ADCY1: variants seen among roughly 807,000 people sequenced by gnomAD.
ADCY1 encodes the protein adenylate cyclase 1.
In ADCY1, 28 loss-of-function variants were observed where a neutral mutation model predicts 105.4. The ratio of observed to expected loss-of-function variants is 0.27; its 90% confidence interval spans 0.20 to 0.36. The LOEUF (loss-of-function observed/expected upper bound fraction) is 0.36. Among genes scored for constraint, ADCY1 ranks in the 10% least tolerant of loss-of-function variants. The pLI, the probability that ADCY1 is intolerant of heterozygous loss-of-function variation, is 1.00. For missense variants in ADCY1, 977 were observed against 1,434.2 expected (o/e 0.68, Z 5.15); for synonymous variants, 655 against 623.8 (o/e 1.05, Z -0.75).
intron 14 of ADCY1, among the ~76,000 whole-genome samples, chr7:45,690,544 G>A (rs1321928384): frequency 1.3e-5 from 2 of 152,226 alleles, no homozygotes; most frequent in African/African-American, 2.4e-5. Context: ...AAACCTGGCC[G>A]GAAGTAGGAG....
rs191910895 is a variant in ADCY1, at chr7:45,658,467, A to G, written c.1307+582A>G. Reference sequence around the variant, plus strand: ...CCCTCTGCCACCCCCAGGTCCTGTAATCTCCCTTTTGTATGATCTCGCAGT... The same window carrying G: ...CCCTCTGCCACCCCCAGGTCCTGTAGTCTCCCTTTTGTATGATCTCGCAGT... On this transcript the variant is annotated intron_variant, in intron 6 of 19. Transcript: ENST00000297323. 1.8e-3 allele frequency among the ~76,000 whole-genome samples: 274 copies of G among 152,110 alleles called. 2 individuals carry two copies. The highest frequency in any genetic ancestry group is 5.7e-3 in the African/African-American group (235 of 41,502).
intron 2 of ADCY1, among the ~76,000 whole-genome samples, chr7:45,607,867 A>G (rs1793424416): frequency 6.6e-6 from 1 of 152,086 alleles, no homozygotes; most frequent in African/African-American, 2.4e-5. Flanking sequence ...TGTTGATTTC[A>G]TGTCTTTTAT....
In ADCY1 at chr7:45,703,336, C is replaced by T. The variant is rs770291734; in HGVS notation, c.2455-40C>T. 1.1e-5 allele frequency: 17 copies of T among 1,583,128 alleles called. No homozygotes were observed. The Admixed American group carries it at 1.2e-4, about 11-fold the overall frequency. ...GTGCGGTGGGAACAAGTGAAGGCAG[C>T]GTGAGTGGATGGGACTAATGGAGGC... is the stretch of plus-strand genomic sequence containing the variant. On this transcript the variant is annotated intron_variant, in intron 14 of 19. Transcript: ENST00000297323. The surrounding 1 kb of genome is among the most constrained non-coding windows in gnomAD (Gnocchi z 5.9).
chr7:45,701,833 T>C (rs1785002361), intron 14 of ADCY1, among the ~76,000 whole-genome samples: 1 of 152,200 alleles, frequency 6.6e-6, no homozygotes, highest in Admixed American at 6.5e-5. Flanking sequence ...AGAGTGTGGC[T>C]CCAGCCCATC....
chr7:45,574,204 C>T (rs1584237412), upstream of ADCY1: 5 of 932,780 alleles, frequency 5.4e-6, no homozygotes, highest in South Asian at 2.5e-4. This position sits in a 1 kb window ranked among gnomAD's most constrained non-coding sequence, Gnocchi z 7.0. Flanking sequence ...CGAGGTCACG[C>T]GGCTCCTCCG....
intron 1 of ADCY1, among the ~76,000 whole-genome samples, chr7:45,588,852 C>G (rs1030036463): frequency 1.4e-4 from 21 of 151,382 alleles, no homozygotes; most frequent in African/African-American, 4.9e-4. Flanking sequence ...CTTTGACACA[C>G]CCCCATCATT....
At chr7:45,599,452 G>A (rs1793164008) in intron 2 of ADCY1, among the ~76,000 whole-genome samples, 1 of 150,786 alleles carries the variant, frequency 6.6e-6, no homozygotes, top group Non-Finnish European at 1.5e-5. Flanking sequence ...GTGCGTCACA[G>A]TTTGCTCTGT....
At chr7:45,692,550 A>G (rs1784803577) in intron 14 of ADCY1, among the ~76,000 whole-genome samples, 1 of 152,200 alleles carries the variant, frequency 6.6e-6, no homozygotes, top group South Asian at 2.1e-4. Context: ...TAGCCAAGGA[A>G]AGGGCAGAGT....
At chr7:45,624,001 G>T (rs77374858) in intron 4 of ADCY1, among the ~76,000 whole-genome samples, 3 of 152,186 alleles carry the variant, frequency 2.0e-5, no homozygotes, top group Admixed American at 6.5e-5. Flanking sequence ...AGGGAGGGGC[G>T]CTGAGATCAG....
chr7:45,618,873 A>T (rs1793813007), intron 3 of ADCY1, among the ~76,000 whole-genome samples: 1 of 152,196 alleles, frequency 6.6e-6, no homozygotes. Flanking sequence ...TATATATCCA[A>T]AGGGAAATAA....
chr7:45,662,566 A>G (rs1185188764), intron 8 of ADCY1, among the ~76,000 whole-genome samples: 1 of 152,056 alleles, frequency 6.6e-6, no homozygotes, highest in African/African-American at 2.4e-5. Context: ...TTTCACACTA[A>G]GGCTGGCCCT....
Position 45,592,777 on chromosome 7 carries a change from C to T in ADCY1, c.658C>T (p.Leu220Phe), listed in dbSNP as rs1562677693. The T allele has an allele frequency of 6.2e-7, 1 of 1,614,226 alleles. No homozygotes were observed. The highest frequency in any genetic ancestry group is 2.2e-5 in the East Asian group (1 of 44,880). Residue 220 changes from leucine to phenylalanine, a missense_variant, in exon 2 of 20, where the codon CTC (leucine) becomes TTC (phenylalanine). Leu to Phe is a conservative substitution (Grantham distance 22). Around this residue, in one of 7 missense-constraint regions of ADCY1, gnomAD observed 196 missense variants for 347.8 expected, o/e 0.56. Coordinates refer to ENST00000297323, the MANE Select transcript of ADCY1 (RefSeq NM_021116.4). ...CCTGCAGCTCGGTGCCAATGCCTTG[C>T]TCTTCGTCGGTGTGAACATGTATGG... ...LWRTLGANAL[L>F]FVGVNMYGVF...
chr7:45,608,696 C>G (rs1793447912), intron 2 of ADCY1, among the ~76,000 whole-genome samples: 1 of 152,246 alleles, frequency 6.6e-6, no homozygotes, highest in East Asian at 1.9e-4. Context: ...CATCACCTGT[C>G]ACATTTTTGT....
chr7:45,646,111 T>C (rs1441763708), intron 4 of ADCY1, among the ~76,000 whole-genome samples: 1 of 151,868 alleles, frequency 6.6e-6, no homozygotes, highest in African/African-American at 2.4e-5. Context: ...ATTTGGGGGA[T>C]GTTTGGAAGC....
chr7:45,671,233 C>A (rs1260257086), intron 8 of ADCY1, among the ~76,000 whole-genome samples: 1 of 152,134 alleles, frequency 6.6e-6, no homozygotes, highest in African/African-American at 2.4e-5. Context: ...GCATTATGCC[C>A]CTGGGATCCA....
At chr7:45,618,500 AT>A (rs1365423583) in intron 3 of ADCY1, among the ~76,000 whole-genome samples, 2 of 152,248 alleles carry the variant, frequency 1.3e-5, no homozygotes, top group East Asian at 3.8e-4. Flanking sequence ...AATATCCAGA[AT>A]ATACAAGGAA....
chr7:45,710,776 C>T lies in ADCY1; in HGVS notation c.3057+124C>T. On this transcript the variant is annotated intron_variant, in intron 19 of 19. Coordinates refer to ENST00000297323, the MANE Select transcript of ADCY1 (RefSeq NM_021116.4). The surrounding 1 kb of genome is among the most constrained non-coding windows in gnomAD (Gnocchi z 4.7). ...GTAAGTGGCAGGGCAGAAAGAGCTG[C>T]ATATTTCGGTCTGTCTGCTCTGGAG... The T allele has an allele frequency of 7.6e-7, 1 of 1,324,390 alleles. No homozygotes were observed. Among genetic ancestry groups the T allele is most frequent in the Non-Finnish European group, 1.0e-6 (1 of 990,158 alleles). The allele number at this position is 1,324,390 out of a possible 1,614,324, so 82.0% of individuals were successfully genotyped here. A position where few individuals can be genotyped will look rare whatever the true frequency, so the allele number is the denominator to read the frequency against.
chr7:45,627,014 C>T (rs1183596444), intron 4 of ADCY1, among the ~76,000 whole-genome samples: 2 of 152,200 alleles, frequency 1.3e-5, no homozygotes, highest in Non-Finnish European at 2.9e-5. Context: ...CTTCTCTTGA[C>T]CCCTGCCCTC....
intron 4 of ADCY1, among the ~76,000 whole-genome samples, chr7:45,646,777 A>G (rs1794676326): frequency 6.6e-6 from 1 of 152,160 alleles, no homozygotes; most frequent in African/African-American, 2.4e-5. Flanking sequence ...CCAGGGTTCT[A>G]AGGGCTAAGT....
Sources: gnomAD v4.1 joint callset for allele counts (sites outside exome capture counted in the v4.1 genomes callset) on GRCh38, gnomAD v4.1.1 for gene constraint, gnomAD v4.1.1 regional missense constraint, Gnocchi (gnomAD v3.1) non-coding constraint, MANE v1.5 for transcripts, NCBI Gene and HGNC (gene_info 2026-07-23, HGNC 2026-07-21) for gene names.